Variants in MATN2 observed in about 807,000 individuals in gnomAD.
The protein encoded by MATN2 is matrilin 2, also known as matrilin-2.
MATN2 carries 69 observed loss-of-function variants against 103.2 expected under a neutral mutation model. The observed-to-expected ratio is 0.67, with a 90% CI of 0.55 to 0.82. The LOEUF (loss-of-function observed/expected upper bound fraction) is 0.82. Among genes scored for constraint, MATN2 ranks in the 40% least tolerant of loss-of-function variants. The pLI is 0.00. For synonymous variants in MATN2, 429 were observed against 450.2 expected, an observed-to-expected ratio of 0.95 and a Z score of 0.60; for missense variants, 1,023 against 1,211.5, an observed-to-expected ratio of 0.84 and a Z score of 2.31.
At chr8:97,984,927 G>T (rs562568952) in intron 6 of MATN2, among the ~76,000 whole-genome samples, 10 of 152,278 alleles carry the variant, frequency 6.6e-5, no homozygotes, top group Admixed American at 5.9e-4. Flanking sequence ...AGATTTGAAG[G>T]CAGTGAGAGA....
At chr8:97,910,595 C>A (rs915894627) in intron 2 of MATN2, among the ~76,000 whole-genome samples, 25 of 152,126 alleles carry the variant, frequency 1.6e-4, no homozygotes, top group African/African-American at 5.8e-4. Flanking sequence ...TACAGAGCAC[C>A]CTACAGTTTT....
intron 7 of MATN2, among the ~76,000 whole-genome samples, chr8:98,002,563 A>G: frequency 6.6e-6 from 1 of 152,102 alleles, no homozygotes; most frequent in East Asian, 1.9e-4. Flanking sequence ...TAGCTTTTCC[A>G]TCTTTCTTGG....
chr8:97,936,708 C>G (rs769968816), intron 3 of MATN2, among the ~76,000 whole-genome samples: 1 of 152,214 alleles, frequency 6.6e-6, no homozygotes, highest in Non-Finnish European at 1.5e-5. Flanking sequence ...AGAGGGCCTT[C>G]TGAGAAATGA....
chr8:97,912,450 AT>A (rs1809481061), intron 2 of MATN2, among the ~76,000 whole-genome samples: 1 of 152,212 alleles, frequency 6.6e-6, no homozygotes, highest in South Asian at 2.1e-4. Flanking sequence ...GAGGAAACAA[AT>A]CGTTGGCTCA....
At chr8:97,951,380 C>A (rs992513870) in intron 4 of MATN2, among the ~76,000 whole-genome samples, 2 of 152,196 alleles carry the variant, frequency 1.3e-5, no homozygotes, top group African/African-American at 4.8e-5. Flanking sequence ...TTGAACCTTG[C>A]ACAGCTTTTC....
intron 4 of MATN2, chr8:97,950,745 T>C (rs767310870): frequency 2.0e-5 from 3 of 152,200 alleles, no homozygotes; most frequent in Non-Finnish European, 4.4e-5. Flanking sequence ...AGATAGGTGA[T>C]GGCTGGTGGG....
intron 3 of MATN2, among the ~76,000 whole-genome samples, chr8:97,935,134 G>C (rs1261960136): frequency 6.6e-6 from 1 of 151,854 alleles, no homozygotes; most frequent in Non-Finnish European, 1.5e-5. Flanking sequence ...ATGTTGTCCA[G>C]GCTGGCCTCG....
In MATN2 at chr8:98,000,604, A is replaced by AAAAAAAAAAAAAAAAAG. The variant is rs1554613598; in HGVS notation, c.1205-3051_1205-3050insAAAAAAAAAAGAAAAAA. Reference sequence around the variant, plus strand: ...AGAGCGAGACTCCGTCTCAAAAAAAAAAAAAAGAAATATGGTTAACAATCA... The same window carrying AAAAAAAAAAAAAAAAAG: ...AGAGCGAGACTCCGTCTCAAAAAAAAAAAAAAAAAAAAAAAAGAAAAAAGAAATATGGTTAACAATCA... On this transcript the variant is annotated intron_variant, in intron 7 of 18. Coordinates refer to ENST00000254898, the MANE Select transcript of MATN2 (RefSeq NM_002380.5). Among the ~76,000 whole-genome samples, 108 of 127,252 alleles carry AAAAAAAAAAAAAAAAAG rather than the reference A, an allele frequency of 8.5e-4. 4 individuals are homozygous for AAAAAAAAAAAAAAAAAG. Among genetic ancestry groups the AAAAAAAAAAAAAAAAAG allele is most frequent in the Middle Eastern group, 4.3e-3 (1 of 232 alleles). 83.5% of individuals were successfully genotyped at this position (127,252 alleles called of 152,430 possible).
chr8:97,924,816 A>G (rs1483466946), intron 2 of MATN2, among the ~76,000 whole-genome samples: 1 of 151,978 alleles, frequency 6.6e-6, no homozygotes, highest in Non-Finnish European at 1.5e-5. Flanking sequence ...AACTGACCCC[A>G]GAGAGCCAAT....
intron 5 of MATN2, among the ~76,000 whole-genome samples, chr8:97,966,640 A>G (rs1476279578): frequency 6.6e-6 from 1 of 152,206 alleles, no homozygotes; most frequent in Admixed American, 6.5e-5. Flanking sequence ...GTTAGACACC[A>G]CAAGGACACG....
At chr8:98,001,222 G>A (rs1027211112) in intron 7 of MATN2, among the ~76,000 whole-genome samples, 7 of 152,142 alleles carry the variant, frequency 4.6e-5, no homozygotes, top group African/African-American at 1.7e-4. Context: ...TTTTTTACCT[G>A]ACAAGTCCAA....
At chr8:97,963,082 C>A (rs1486405422) in intron 5 of MATN2, among the ~76,000 whole-genome samples, 1 of 152,196 alleles carries the variant, frequency 6.6e-6, no homozygotes, top group East Asian at 1.9e-4. Flanking sequence ...TTGCAGTGAG[C>A]TGAGATTGTG....
intron 10 of MATN2, among the ~76,000 whole-genome samples, chr8:98,014,035 A>G (rs914848218): frequency 3.3e-5 from 5 of 152,130 alleles, no homozygotes; most frequent in Non-Finnish European, 7.4e-5. Flanking sequence ...CATGAGCCCA[A>G]GAGCCAAGGC....
chr8:97,886,992 A>G (rs1287796918), intron 1 of MATN2, among the ~76,000 whole-genome samples: 2 of 151,758 alleles, frequency 1.3e-5, no homozygotes, highest in Admixed American at 6.6e-5. Context: ...CCTGGGTTCA[A>G]GTGATTCTTG....
intron 2 of MATN2, among the ~76,000 whole-genome samples, chr8:97,903,991 C>G (rs889057163): frequency 7.2e-5 from 11 of 152,154 alleles, no homozygotes; most frequent in African/African-American, 2.7e-4. Context: ...TTGAGGTAAA[C>G]TTTACTTGAT....
chr8:97,929,056 C>A (rs565725229), intron 2 of MATN2, among the ~76,000 whole-genome samples: 1 of 152,278 alleles, frequency 6.6e-6, no homozygotes, highest in African/African-American at 2.4e-5. Context: ...TTTTGAGACA[C>A]TCACCCTGGA....
intron 1 of MATN2, among the ~76,000 whole-genome samples, chr8:97,884,397 C>G (rs1217462372): frequency 6.6e-6 from 1 of 152,046 alleles, no homozygotes; most frequent in East Asian, 1.9e-4. Context: ...ACCTTAGCCT[C>G]CAAAGTGCTG....
intron 4 of MATN2, among the ~76,000 whole-genome samples, chr8:97,955,845 A>G (rs111822753): frequency 2.0e-4 from 30 of 152,358 alleles, no homozygotes; most frequent in African/African-American, 7.0e-4. Context: ...AGTGCCAGGC[A>G]CTGTGCTAGA....
At chr8:98,008,575 G>A (rs1474432628) in intron 10 of MATN2, among the ~76,000 whole-genome samples, 1 of 152,118 alleles carries the variant, frequency 6.6e-6, no homozygotes, top group Non-Finnish European at 1.5e-5. Context: ...TTCCAGTTTG[G>A]GACAGATCCT....
Sources: allele counts gnomAD v4.1 joint callset (sites outside exome capture counted in the v4.1 genomes callset), GRCh38; gene constraint gnomAD v4.1.1; transcripts MANE v1.5; gene names NCBI Gene and HGNC (gene_info 2026-07-23, HGNC 2026-07-21).